GFRA2: variants seen among roughly 807,000 people sequenced by gnomAD.
The protein encoded by GFRA2 is GDNF family receptor alpha-2.
A neutral mutation model predicts 48.3 loss-of-function variants in GFRA2; 17 were observed. The observed-to-expected ratio is 0.35, with a 90% confidence interval of 0.24 to 0.53. The LOEUF is 0.53. GFRA2 is among the 20% of genes least tolerant of loss of function. The pLI is 0.93. For missense variants in GFRA2, 660 were observed against 637.3 expected, an observed-to-expected ratio of 1.04 and a Z score of -0.38; for synonymous variants, 305 against 257.2, an observed-to-expected ratio of 1.19 and a Z score of -1.78.
chr8:21,712,345 G>C (rs1161617707), intron 4 of GFRA2, among the ~76,000 whole-genome samples: 7 of 152,006 alleles, frequency 4.6e-5, no homozygotes, highest in Non-Finnish European at 1.0e-4. Context: ...CGGCCGGGCA[G>C]AGGCGCTCCT....
At chr8:21,799,503 G>A (rs1002427840) in intron 2 of GFRA2, among the ~76,000 whole-genome samples, 17 of 152,200 alleles carry the variant, frequency 1.1e-4, no homozygotes, top group African/African-American at 1.9e-4. Flanking sequence ...GCCCTGACCA[G>A]AGGATTTTTT....
At chr8:21,732,759 C>G (rs1300609403) in intron 4 of GFRA2, among the ~76,000 whole-genome samples, 1 of 152,162 alleles carries the variant, frequency 6.6e-6, no homozygotes, top group Non-Finnish European at 1.5e-5. Context: ...ATGTAAACAC[C>G]CCCTAGAGTA....
intron 7 of GFRA2, among the ~76,000 whole-genome samples, chr8:21,698,695 A>G (rs1026939011): frequency 2.0e-5 from 3 of 152,002 alleles, no homozygotes; most frequent in Non-Finnish European, 4.4e-5. Context: ...AAGACAATGC[A>G]GACAGGGTGT....
intron 7 of GFRA2, among the ~76,000 whole-genome samples, chr8:21,696,796 G>C (rs551361638): frequency 6.6e-6 from 1 of 152,088 alleles, no homozygotes; most frequent in African/African-American, 2.4e-5. Flanking sequence ...AAAAATGACA[G>C]AGAAGAGGAG....
rs200821648 is a variant in GFRA2 at position 21,693,327 on chromosome 8, G to A, written c.1346C>T (p.Ser449Leu). 3.6e-5 allele frequency: 58 copies of A among 1,613,628 alleles called. No individual in the cohort carries two copies. Among genetic ancestry groups the A allele is most frequent in the East Asian group, 8.9e-5 (4 of 44,864 alleles). Reference sequence around the variant, plus strand: ...GACAGACAGCACGGTCAAGGCAGCCGACGGTCTGGCTCTGCTGGGGCCTGA... The same window carrying A: ...GACAGACAGCACGGTCAAGGCAGCCAACGGTCTGGCTCTGCTGGGGCCTGA... Reference protein sequence around the residue: ...PNSGPSRARPSAALTVLSVLM... With the variant: ...PNSGPSRARPLAALTVLSVLM... The change falls in exon 9 of 9, where the codon TCG becomes TTG. Residue 449 changes from serine to leucine, a missense_variant. Coordinates refer to ENST00000524240, the MANE Select transcript of GFRA2 (RefSeq NM_001495.5).
intron 4 of GFRA2, among the ~76,000 whole-genome samples, chr8:21,709,927 T>C (rs1802933364): frequency 6.6e-6 from 1 of 152,028 alleles, no homozygotes; most frequent in South Asian, 2.1e-4. Context: ...CTTTGGGAAA[T>C]CCCAAATATT....
At position 21,758,028 on chromosome 8, in the gene GFRA2, G is replaced by A. The variant is rs966119311; in HGVS notation, c.440-7086C>T. ...CTCGGAGGGGGAAGTCACCGGTTTA[G>A]AGAAAAGGCACTTGACCTCTGGTGC... On this transcript the variant is annotated intron_variant, in intron 3 of 8. Coordinates refer to ENST00000524240, the MANE Select transcript of GFRA2 (RefSeq NM_001495.5). 3.3e-5 allele frequency among the ~76,000 whole-genome samples: 5 copies of A among 152,162 alleles called. 1 individual carries two copies. In the South Asian group the frequency reaches 8.3e-4, roughly 25 times the overall value.
chr8:21,757,066 G>A (rs1369398517), intron 3 of GFRA2, among the ~76,000 whole-genome samples: 1 of 152,184 alleles, frequency 6.6e-6, no homozygotes, highest in Non-Finnish European at 1.5e-5. Context: ...CCTGGCCCTA[G>A]GGGACACTCT....
At position 21,702,059 on chromosome 8, in the gene GFRA2, T is replaced by TG. The variant is rs371783232; in HGVS notation, c.1218+745dup. 6.5e-4 allele frequency among the ~76,000 whole-genome samples: 99 copies of TG among 152,304 alleles called. 1 individual carries two copies. Among genetic ancestry groups the TG allele is most frequent in the African/African-American group, 2.3e-3 (96 of 41,568 alleles). ...ACCTGACAGATGGCACAGCCCCGAC[T>TG]GGCTGAGCTGCCCGCCGCTCTAGCA... On this transcript the variant is annotated intron_variant, in intron 7 of 8. Transcript: ENST00000524240.
At chr8:21,777,599 G>T (rs939445511) in intron 2 of GFRA2, among the ~76,000 whole-genome samples, 2 of 152,194 alleles carry the variant, frequency 1.3e-5, no homozygotes, top group Admixed American at 6.5e-5. Context: ...TCGGACCAAA[G>T]AACCCTGAAT....
chr8:21,733,594 T>C (rs1028006127), intron 4 of GFRA2, among the ~76,000 whole-genome samples: 5 of 152,298 alleles, frequency 3.3e-5, no homozygotes, highest in South Asian at 4.1e-4. Flanking sequence ...CCAGGCCGAA[T>C]AGGACCCGTG....
chr8:21,784,320 G>A (rs2117078744), intron 1 of GFRA2: 2 of 456,258 alleles, frequency 4.4e-6, no homozygotes, highest in South Asian at 1.5e-5. Flanking sequence ...CCATGGCCCA[G>A]AGCCATGACT....
chr8:21,754,558 G>A (rs1410335195), intron 3 of GFRA2, among the ~76,000 whole-genome samples: 3 of 151,146 alleles, frequency 2.0e-5, no homozygotes, highest in African/African-American at 7.3e-5. Context: ...GCCCAGGCGG[G>A]AGTGCAATGG....
chr8:21,720,506 G>A (rs1453781192), intron 4 of GFRA2, among the ~76,000 whole-genome samples: 1 of 152,186 alleles, frequency 6.6e-6, no homozygotes, highest in Non-Finnish European at 1.5e-5. Flanking sequence ...CCCTGAAGGA[G>A]AAGTCCCTGG....
intron 3 of GFRA2, among the ~76,000 whole-genome samples, chr8:21,765,823 A>G (rs1806124138): frequency 6.6e-6 from 1 of 152,024 alleles, no homozygotes; most frequent in Admixed American, 6.6e-5. Flanking sequence ...AAGCAGCTTC[A>G]CTGTTGTTCA....
intron 4 of GFRA2, among the ~76,000 whole-genome samples, chr8:21,727,557 C>T (rs539646021): frequency 2.4e-4 from 36 of 152,192 alleles, no homozygotes; most frequent in Non-Finnish European, 4.7e-4. Context: ...AGGAGACAGG[C>T]TGGATGACCA....
At chr8:21,801,812 G>A (rs939109255) in intron 2 of GFRA2, among the ~76,000 whole-genome samples, 2 of 152,182 alleles carry the variant, frequency 1.3e-5, no homozygotes, top group Non-Finnish European at 2.9e-5. Flanking sequence ...TTCACAAGGT[G>A]CTGCCCGCAG....
At position 21,754,560 on chromosome 8, in the gene GFRA2, G is replaced by A. The variant is rs370842286; in HGVS notation, c.440-3618C>T. Among the ~76,000 whole-genome samples the A allele has an allele frequency of 1.5e-4, 22 of 149,722 alleles. 1 individual carries two copies. The highest frequency in any genetic ancestry group is 1.1e-3 in the South Asian group (5 of 4,760). ...TTTTGCTCTTGTCGCCCAGGCGGGAGTGCAATGGTGTGATCGCGGCTCACT... is the reference window on the plus strand; with the variant it reads ...TTTTGCTCTTGTCGCCCAGGCGGGAATGCAATGGTGTGATCGCGGCTCACT... On this transcript the variant is annotated intron_variant, in intron 3 of 8. Transcript: ENST00000524240.
chr8:21,709,548 C>T (rs1277511795), intron 4 of GFRA2, among the ~76,000 whole-genome samples: 2 of 152,184 alleles, frequency 1.3e-5, no homozygotes, highest in African/African-American at 2.4e-5. Context: ...CAAGCGTGGA[C>T]GCAACATCAG....
Sources: gnomAD v4.1 joint callset for allele counts (sites outside exome capture counted in the v4.1 genomes callset) on GRCh38, gnomAD v4.1.1 for gene constraint, MANE v1.5 for transcripts, NCBI Gene and HGNC (gene_info 2026-07-23, HGNC 2026-07-21) for gene names.